The following SH3PXD2A variants were observed in gnomAD, a reference collection of about 807,000 sequenced individuals.
SH3PXD2A encodes SH3 and PX domains 2A.
Under a neutral mutation model 115.2 loss-of-function variants are expected in SH3PXD2A, and 32 were observed. The ratio of observed to expected loss-of-function variants is 0.28; its 90% confidence interval spans 0.21 to 0.37. The LOEUF is 0.37. Among genes scored for constraint, SH3PXD2A ranks in the 10% least tolerant of loss-of-function variants. The pLI, the probability that SH3PXD2A is intolerant of heterozygous loss-of-function variation, is 1.00. For synonymous variants in SH3PXD2A, 610 were observed against 629.1 expected, an observed-to-expected ratio of 0.97 and a Z score of 0.45; for missense variants, 1,328 against 1,498.7, an observed-to-expected ratio of 0.89 and a Z score of 1.88.
chr10:103,816,291 A>T (rs1009563194), intron 1 of SH3PXD2A, among the ~76,000 whole-genome samples: 1 of 152,234 alleles, frequency 6.6e-6, no homozygotes, highest in African/African-American at 2.4e-5. Flanking sequence ...TTATTGAAAA[A>T]GAACTCTTAC....
intron 8 of SH3PXD2A, among the ~76,000 whole-genome samples, chr10:103,648,065 C>G (rs531436008): frequency 6.6e-6 from 1 of 152,272 alleles, no homozygotes; most frequent in African/African-American, 2.4e-5. Context: ...CACATATCCA[C>G]GCAGGAAAGA....
At chr10:103,834,936 C>T (rs1416895644) in intron 1 of SH3PXD2A, among the ~76,000 whole-genome samples, 1 of 152,226 alleles carries the variant, frequency 6.6e-6, no homozygotes, top group Non-Finnish European at 1.5e-5. Flanking sequence ...AGTAGGTTCA[C>T]ACTTATCTTA....
At chr10:103,776,809 C>A (rs548194109) in intron 2 of SH3PXD2A, among the ~76,000 whole-genome samples, 1 of 152,286 alleles carries the variant, frequency 6.6e-6, no homozygotes, top group South Asian at 2.1e-4. Context: ...ACCCTACTCC[C>A]GGATGATCTC....
At position 103,601,881 on chromosome 10, in the gene SH3PXD2A, T is replaced by A. The variant is rs777612981; in HGVS notation, c.3337A>T (p.Ile1113Phe). The A allele has an allele frequency of 8.7e-6, 14 of 1,613,690 alleles. No homozygotes were observed. In the South Asian group the frequency reaches 1.4e-4, roughly 16 times the overall value. Reference protein sequence around the residue: ...RNPNGWWYCQILDGVKPFKGW... With the variant: ...RNPNGWWYCQFLDGVKPFKGW... ...TTGAAGGGCTTCACACCATCCAGGA[T>A]CTGGCAGTACCACCAGCCATTAGGG... Residue 1113 changes from isoleucine to phenylalanine, a missense_variant, in exon 15 of 15, where the codon ATC becomes TTC. Transcript: ENST00000369774.
chr10:103,657,034 AC>A (rs1165154158), intron 8 of SH3PXD2A, among the ~76,000 whole-genome samples: 6 of 151,754 alleles, frequency 4.0e-5, no homozygotes, highest in Admixed American at 2.6e-4. Context: ...CTCAACTGGG[AC>A]TAAAGCATTG....
intron 5 of SH3PXD2A, among the ~76,000 whole-genome samples, chr10:103,694,379 G>C (rs948305175): frequency 6.6e-6 from 1 of 152,188 alleles, no homozygotes; most frequent in Non-Finnish European, 1.5e-5. Flanking sequence ...GGCTCCCCAA[G>C]ATTCCAATCC....
At chr10:103,753,248 G>T (rs1046662724) in intron 3 of SH3PXD2A, among the ~76,000 whole-genome samples, 1 of 148,500 alleles carries the variant, frequency 6.7e-6, no homozygotes, top group Non-Finnish European at 1.5e-5. Context: ...GGGAGGCCAA[G>T]GTGGGCAGAT....
chr10:103,772,824 A>G (rs2038841169), intron 2 of SH3PXD2A, among the ~76,000 whole-genome samples: 1 of 152,200 alleles, frequency 6.6e-6, no homozygotes, highest in African/African-American at 2.4e-5. Flanking sequence ...TTCAGGCCCC[A>G]ATCCTCAAAC....
chr10:103,676,224 A>T (rs1424592710), intron 6 of SH3PXD2A, among the ~76,000 whole-genome samples: 2 of 152,160 alleles, frequency 1.3e-5, no homozygotes, highest in Non-Finnish European at 2.9e-5. Flanking sequence ...TGCTTTTCGT[A>T]AATGCAGCAA....
At chr10:103,696,671 G>C (rs969253183) in intron 5 of SH3PXD2A, among the ~76,000 whole-genome samples, 1 of 152,222 alleles carries the variant, frequency 6.6e-6, no homozygotes, top group East Asian at 1.9e-4. Flanking sequence ...AGGAAGAAGA[G>C]GAGGGGAGGA....
At chr10:103,814,227 G>C (rs934367644) in intron 1 of SH3PXD2A, among the ~76,000 whole-genome samples, 2 of 152,160 alleles carry the variant, frequency 1.3e-5, no homozygotes, top group Non-Finnish European at 1.5e-5. Flanking sequence ...AGCTGTGGCT[G>C]TGCTGGGGCT....
chr10:103,854,055 T>C (rs1842918947), intron 1 of SH3PXD2A, among the ~76,000 whole-genome samples: 1 of 152,194 alleles, frequency 6.6e-6, no homozygotes, highest in South Asian at 2.1e-4. Context: ...CAGCCGCATT[T>C]GCTCAGCTGT....
chr10:103,765,916 CGA>C (rs1382419045), intron 3 of SH3PXD2A, among the ~76,000 whole-genome samples: 1 of 152,188 alleles, frequency 6.6e-6, no homozygotes, highest in African/African-American at 2.4e-5. Context: ...GGCCAGGGGC[CGA>C]GAGTCCCTAC....
chr10:103,759,805 A>T (rs2134215970), intron 3 of SH3PXD2A, among the ~76,000 whole-genome samples: 1 of 152,324 alleles, frequency 6.6e-6, no homozygotes, highest in Middle Eastern at 3.4e-3. Flanking sequence ...AATTCCAAGT[A>T]AACAGTAGGC....
chr10:103,715,285 C>G (rs2134161576), intron 5 of SH3PXD2A, among the ~76,000 whole-genome samples: 1 of 152,356 alleles, frequency 6.6e-6, no homozygotes, highest in South Asian at 2.1e-4. Context: ...GATGGGGAAA[C>G]AGACTGGAAG....
intron 3 of SH3PXD2A, among the ~76,000 whole-genome samples, chr10:103,740,614 G>A (rs2038433833): frequency 1.3e-5 from 2 of 152,150 alleles, no homozygotes; most frequent in Non-Finnish European, 1.5e-5. Flanking sequence ...TAATAAGAGG[G>A]CACTGATTAT....
At chr10:103,763,163 C>G (rs1456974601) in intron 3 of SH3PXD2A, among the ~76,000 whole-genome samples, 2 of 152,160 alleles carry the variant, frequency 1.3e-5, no homozygotes, top group Non-Finnish European at 2.9e-5. Context: ...GATGGGCAAG[C>G]ATGTAACCAA....
intron 11 of SH3PXD2A, 58 bp downstream of exon 11, chr10:103,617,139 T>A: frequency 7.9e-7 from 1 of 1,268,250 alleles, no homozygotes; most frequent in Non-Finnish European, 1.1e-6. Context: ...CACTTTGCAC[T>A]CTGCCCAGGG....
At chr10:103,639,212 G>A (rs1423241657) in intron 8 of SH3PXD2A, among the ~76,000 whole-genome samples, 2 of 152,026 alleles carry the variant, frequency 1.3e-5, no homozygotes, top group Non-Finnish European at 2.9e-5. Flanking sequence ...AGAATGACTA[G>A]GCAGAAAAGA....
Sources: allele counts gnomAD v4.1 joint callset (sites outside exome capture counted in the v4.1 genomes callset), GRCh38; gene constraint gnomAD v4.1.1; transcripts MANE v1.5; gene names NCBI Gene and HGNC (gene_info 2026-07-23, HGNC 2026-07-21).